GPHN: variants seen among roughly 807,000 people sequenced by gnomAD.
GPHN encodes gephyrin.
GPHN carries 17 observed loss-of-function variants against 95.5 expected under a neutral mutation model. That is an observed-to-expected ratio of 0.18 (90% CI 0.12 to 0.27). GPHN has a LOEUF of 0.27. Ranked by LOEUF, GPHN falls within the 10% of genes least tolerant of loss-of-function variation. The pLI, the probability that GPHN is intolerant of heterozygous loss-of-function variation, is 1.00. For missense variants in GPHN, 660 were observed against 978.1 expected (o/e 0.67, Z 4.34); for synonymous variants, 320 against 322.5 (o/e 0.99, Z 0.08).
chr14:66,602,683 ACT>A (rs2062311870), intron 1 of GPHN, among the ~76,000 whole-genome samples: 1 of 151,888 alleles, frequency 6.6e-6, no homozygotes, highest in South Asian at 2.1e-4. Context: ...TTATGATAAA[ACT>A]CTGATTAGGT....
At chr14:67,615,633 G>T in the GPHN span, 1 of 552,138 alleles carries the variant, frequency 1.8e-6, no homozygotes, top group Non-Finnish European at 3.5e-6. Context: ...TGAGGGGGAA[G>T]ACCATGTCTG....
chr14:67,333,983 T>C, the GPHN span: 1 of 152,638 alleles, frequency 6.6e-6, no homozygotes, highest in African/African-American at 2.4e-5. Flanking sequence ...CTGTACTGTA[T>C]ATTAATATTT....
chr14:67,334,387 C>G, the GPHN span: 1 of 152,550 alleles, frequency 6.6e-6, no homozygotes, highest in Non-Finnish European at 1.5e-5. Context: ...AATGTGAATG[C>G]CTTGATTTTA....
At chr14:67,483,505 AAGG>A in the GPHN span, among the ~76,000 whole-genome samples, 1 of 152,218 alleles carries the variant, frequency 6.6e-6, no homozygotes, top group Non-Finnish European at 1.5e-5. Context: ...AACAGGAAGC[AAGG>A]AGAAGGTTGT....
chr14:67,678,219 C>G, the GPHN span: 2 of 793,732 alleles, frequency 2.5e-6, no homozygotes, highest in Non-Finnish European at 4.3e-6. Context: ...GTTTTGCTCT[C>G]TTTGTGCTAA....
chr14:66,582,507 T>C (rs1351800087), intron 1 of GPHN, among the ~76,000 whole-genome samples: 2 of 152,046 alleles, frequency 1.3e-5, no homozygotes, highest in African/African-American at 2.4e-5. Context: ...TAGCATTAGG[T>C]ATATCTCCTA....
chr14:66,626,085 A>T (rs1203814764), intron 1 of GPHN, among the ~76,000 whole-genome samples: 1 of 152,172 alleles, frequency 6.6e-6, no homozygotes, highest in African/African-American at 2.4e-5. Flanking sequence ...GTGATGGAGA[A>T]GTCTGGGATT....
the GPHN span, among the ~76,000 whole-genome samples, chr14:67,230,337 T>C: frequency 6.6e-6 from 1 of 152,128 alleles, no homozygotes; most frequent in Non-Finnish European, 1.5e-5. Flanking sequence ...CCCAGCACTT[T>C]GGGCGGCTGA....
intron 5 of GPHN, among the ~76,000 whole-genome samples, chr14:66,893,583 G>T (rs1024503568): frequency 6.6e-6 from 1 of 152,184 alleles, no homozygotes; most frequent in African/African-American, 2.4e-5. Flanking sequence ...GTCCCTGTTT[G>T]CACATGACAT....
chr14:66,920,496 A>G (rs1269523999), intron 6 of GPHN, among the ~76,000 whole-genome samples: 1 of 150,042 alleles, frequency 6.7e-6, no homozygotes, highest in Non-Finnish European at 1.5e-5. Context: ...ACCAAGTTGT[A>G]TATAGAAATT....
chr14:66,849,337 T>G (rs1027749008), intron 4 of GPHN, among the ~76,000 whole-genome samples: 1 of 152,024 alleles, frequency 6.6e-6, no homozygotes, highest in South Asian at 2.1e-4. Flanking sequence ...CTTTCCTATT[T>G]CCTATCACAT....
At chr14:67,306,189 C>G in the GPHN span, among the ~76,000 whole-genome samples, 1 of 151,916 alleles carries the variant, frequency 6.6e-6, no homozygotes, top group Non-Finnish European at 1.5e-5. Context: ...ATGCTGGTCT[C>G]GAACTCCTGA....
chr14:66,538,314 G>A (rs1480680337), intron 1 of GPHN, among the ~76,000 whole-genome samples: 1 of 151,486 alleles, frequency 6.6e-6, no homozygotes, highest in East Asian at 1.9e-4. Context: ...TTTGGGGTTT[G>A]CTGGGTTAAT....
At chr14:66,871,380 A>G (rs560311369) in intron 4 of GPHN, among the ~76,000 whole-genome samples, 2 of 152,344 alleles carry the variant, frequency 1.3e-5, no homozygotes, top group East Asian at 3.9e-4. Flanking sequence ...AATGTCAACC[A>G]TTGCTTATAT....
chr14:66,897,718 T>G (rs2064929194), intron 5 of GPHN, among the ~76,000 whole-genome samples: 1 of 152,154 alleles, frequency 6.6e-6, no homozygotes, highest in Admixed American at 6.6e-5. Context: ...CACTACAGTT[T>G]GTTCAACCAT....
intron 1 of GPHN, among the ~76,000 whole-genome samples, chr14:66,526,879 A>G (rs2058712664): frequency 6.6e-6 from 1 of 152,064 alleles, no homozygotes; most frequent in Admixed American, 6.5e-5. Flanking sequence ...CGGTTTGCCA[A>G]TATTTTATCG....
At chr14:66,618,594 G>T (rs2063150439) in intron 1 of GPHN, among the ~76,000 whole-genome samples, 1 of 152,012 alleles carries the variant, frequency 6.6e-6, no homozygotes, top group Admixed American at 6.5e-5. Flanking sequence ...ACTGGTCAGG[G>T]TCTATACTTC....
chr14:67,587,395 G>A, the GPHN span: 14 of 770,756 alleles, frequency 1.8e-5, no homozygotes, highest in African/African-American at 1.7e-4. Context: ...CTCTCTAGGT[G>A]CCTTATAATG....
chr14:67,564,166 G>C, the GPHN span, among the ~76,000 whole-genome samples: 10 of 152,042 alleles, frequency 6.6e-5, no homozygotes, highest in Admixed American at 6.6e-4. Flanking sequence ...CTCCCAAAGT[G>C]TAATTTTTAT....
Sources: allele counts gnomAD v4.1 joint callset (sites outside exome capture counted in the v4.1 genomes callset), GRCh38; gene constraint gnomAD v4.1.1; transcripts MANE v1.5; gene names NCBI Gene and HGNC (gene_info 2026-07-23, HGNC 2026-07-21).